OR2T6: variants seen among roughly 807,000 people sequenced by gnomAD.
The protein encoded by OR2T6 is olfactory receptor family 2 subfamily T member 6, also known as olfactory receptor 2T6.
For missense variants in OR2T6, 424 were observed against 391.6 expected (o/e 1.08, Z -0.70); for synonymous variants, 174 against 148.0 (o/e 1.18, Z -1.27).
chr1:248,382,963 G>A (rs182585358), intron 1 of OR2T6, among the ~76,000 whole-genome samples: 2 of 152,176 alleles, frequency 1.3e-5, no homozygotes, highest in Non-Finnish European at 2.9e-5. Flanking sequence ...TCTCATCCTG[G>A]AACTGTTTTT....
intron 1 of OR2T6, among the ~76,000 whole-genome samples, chr1:248,377,643 C>T (rs891213264): frequency 2.0e-5 from 3 of 152,188 alleles, no homozygotes; most frequent in African/African-American, 4.8e-5. Context: ...GGTAACCATC[C>T]GAGTGTGGTC....
intron 1 of OR2T6, among the ~76,000 whole-genome samples, chr1:248,378,420 T>C (rs1433182779): frequency 6.6e-6 from 1 of 151,166 alleles, no homozygotes; most frequent in African/African-American, 2.5e-5. Flanking sequence ...TGATCTGGAG[T>C]GTGCGTTTTA....
intron 1 of OR2T6, among the ~76,000 whole-genome samples, chr1:248,384,225 G>C (rs1449125813): frequency 1.3e-5 from 1 of 77,486 alleles, no homozygotes. Flanking sequence ...CACTGCACTA[G>C]CCTGAGTGTG....
At position 248,388,025 on chromosome 1, in the gene OR2T6, G is replaced by A. The variant is rs1413522523; in HGVS notation, c.417G>A (p.Arg139=). ...GCTATCCTGTCCTCATCAGCTGGCG[G>A]GTCTGCTGGATGATCCTGGCCAGCT... The part of the protein sequence containing the change: ...PLRYPVLISW[R]VCWMILASSW... The change falls in exon 3 of 3, where the codon CGG becomes CGA. Residue 139 remains arginine (R), a synonymous_variant. Transcript: ENST00000641644. 1 of 1,613,652 alleles carries A rather than the reference G, an allele frequency of 6.2e-7. No homozygotes were observed. Among genetic ancestry groups the A allele is most frequent in the African/African-American group, 1.3e-5 (1 of 74,992 alleles).
chr1:248,386,988 C>T (rs1424539372), intron 2 of OR2T6, among the ~76,000 whole-genome samples: 1 of 152,136 alleles, frequency 6.6e-6, no homozygotes, highest in East Asian at 1.9e-4. Flanking sequence ...TAGAACACTG[C>T]ACAGTACTCT....
intron 2 of OR2T6, 143 bp from the exon 3 acceptor site, chr1:248,387,462 A>C: frequency 2.2e-6 from 1 of 462,628 alleles, no homozygotes; most frequent in Non-Finnish European, 3.8e-6. Context: ...GAAGCTACAA[A>C]TCTACCACAC....
Position 248,388,116 on chromosome 1 carries a change from G to T in OR2T6, c.508G>T (p.Ala170Ser), listed in dbSNP as rs769413469. Residue 170 changes from alanine (A) to serine (S), a missense_variant, in exon 3 of 3, where the codon GCC (alanine) becomes TCC (serine). By Grantham distance (99) the Ala-to-Ser change is moderately conservative (BLOSUM62 1). Transcript: ENST00000641644. ...TPITMSLPFCASHQINHFFCE... is the reference protein window; with the variant it reads ...TPITMSLPFCSSHQINHFFCE... ...CATTACCATGAGTCTCCCGTTCTGT[G>T]CCTCTCACCAAATCAATCACTTTTT... 5.0e-6 allele frequency: 8 copies of T among 1,613,986 alleles called. No individual in the cohort carries two copies. The highest frequency in any genetic ancestry group is 6.8e-6 in the Non-Finnish European group (8 of 1,180,004).
intron 1 of OR2T6, among the ~76,000 whole-genome samples, chr1:248,380,798 AG>A (rs1250202797): frequency 6.7e-6 from 1 of 150,094 alleles, no homozygotes; most frequent in Non-Finnish European, 1.5e-5. Flanking sequence ...AAAAAAAAAA[AG>A]AGATTGTCCT....
intron 1 of OR2T6, among the ~76,000 whole-genome samples, chr1:248,376,370 G>A (rs1371742797): frequency 6.6e-6 from 1 of 152,194 alleles, no homozygotes; most frequent in Non-Finnish European, 1.5e-5. Context: ...CAGGAGTACA[G>A]AGGTAAATAC....
chr1:248,388,473 A>T lies in OR2T6; in HGVS notation c.865A>T (p.Ile289Phe). ...CCTCACACCCTTATTAAACCCTCTC[A>T]TCTACAGTCTGAGGAACAGGGATGT... is the stretch of plus-strand genomic sequence containing the variant. ...TILTPLLNPLIYSLRNRDVMG... is the reference protein window; with the variant it reads ...TILTPLLNPLFYSLRNRDVMG... The change falls in exon 3 of 3, where the codon ATC becomes TTC. Residue 289 changes from isoleucine to phenylalanine, a missense_variant. By Grantham distance (21) the Ile-to-Phe change is conservative. Transcript: ENST00000641644. 1.2e-6 allele frequency: 2 copies of T among 1,606,594 alleles called. No homozygotes were observed. Among genetic ancestry groups the T allele is most frequent in the South Asian group, 2.2e-5 (2 of 89,634 alleles).
chr1:248,385,526 G>A (rs914710334), intron 2 of OR2T6, among the ~76,000 whole-genome samples: 1 of 152,130 alleles, frequency 6.6e-6, no homozygotes, highest in Non-Finnish European at 1.5e-5. Flanking sequence ...AGTCTTTTAC[G>A]AGTCCATATC....
At chr1:248,378,325 C>A (rs1660972741) in intron 1 of OR2T6, among the ~76,000 whole-genome samples, 1 of 152,136 alleles carries the variant, frequency 6.6e-6, no homozygotes, top group African/African-American at 2.4e-5. Context: ...AACAACATAC[C>A]TTTTCATTAA....
chr1:248,390,504 T>C lies in OR2T6; in HGVS notation c.*1969T>C, dbSNP rs1252603103. The C allele has an allele frequency of 6.6e-6, 1 of 152,212 alleles. No homozygotes were observed. Among genetic ancestry groups the C allele is most frequent in the Non-Finnish European group, 1.5e-5 (1 of 68,032 alleles). 9.4% of individuals were successfully genotyped at this position (152,212 alleles called of 1,614,324 possible). A position where few individuals can be genotyped will look rare whatever the true frequency, so the allele number is the denominator to read the frequency against. On this transcript the variant is annotated 3_prime_UTR_variant, in exon 3 of 3. Transcript: ENST00000641644. The stretch of plus-strand genomic sequence containing the variant: ...GCTGCTGGGTATTTGACAAAATATT[T>C]AGCCAAATAGAACAGCTCAACTTGG...
chr1:248,381,412 G>T (rs1427052629), intron 1 of OR2T6, among the ~76,000 whole-genome samples: 1 of 151,976 alleles, frequency 6.6e-6, no homozygotes, highest in Non-Finnish European at 1.5e-5. Flanking sequence ...AGGGAATATT[G>T]TTAATGGTAT....
intron 1 of OR2T6, among the ~76,000 whole-genome samples, chr1:248,377,241 C>A (rs1485664234): frequency 6.6e-6 from 1 of 152,170 alleles, no homozygotes; most frequent in Non-Finnish European, 1.5e-5. Context: ...GTTTTATTTG[C>A]ATTTAAGTGG....
intron 1 of OR2T6, among the ~76,000 whole-genome samples, chr1:248,384,466 A>G (rs1379234367): frequency 1.9e-4 from 8 of 42,146 alleles, no homozygotes; most frequent in African/African-American, 1.0e-3. Flanking sequence ...GTGTTTCCTA[A>G]TGTTATTGTC....
intron 2 of OR2T6, among the ~76,000 whole-genome samples, chr1:248,386,216 C>A (rs1381877521): frequency 6.6e-6 from 1 of 152,148 alleles, no homozygotes; most frequent in East Asian, 1.9e-4. Flanking sequence ...AGTGTTAAAC[C>A]TGATGAGGAA....
intron 1 of OR2T6, among the ~76,000 whole-genome samples, chr1:248,383,147 G>T (rs1421009086): frequency 1.1e-5 from 1 of 87,332 alleles, no homozygotes; most frequent in Non-Finnish European, 2.1e-5. Flanking sequence ...GCCTGAGTGT[G>T]CTCATCCTAT....
chr1:248,380,883 T>C, intron 1 of OR2T6, among the ~76,000 whole-genome samples: 1 of 152,048 alleles, frequency 6.6e-6, no homozygotes, highest in South Asian at 2.1e-4. Context: ...TTGTTCTCTT[T>C]GTTCCATTTA....
Sources: allele counts gnomAD v4.1 joint callset (sites outside exome capture counted in the v4.1 genomes callset), GRCh38; gene constraint gnomAD v4.1.1; transcripts MANE v1.5; gene names NCBI Gene and HGNC (gene_info 2026-07-23, HGNC 2026-07-21).